PTPRD: variants seen among roughly 807,000 people sequenced by gnomAD.
The protein encoded by PTPRD is receptor-type tyrosine-protein phosphatase delta.
In PTPRD, 34 loss-of-function variants were observed where a neutral mutation model predicts 214.5. That is an observed-to-expected ratio of 0.16 (90% confidence interval 0.12 to 0.21). The LOEUF is 0.21. Among genes scored for constraint, PTPRD ranks in the 10% least tolerant of loss-of-function variants. PTPRD has a pLI of 1.00. For missense variants in PTPRD, 2,545 were observed against 2,398.7 expected, an observed-to-expected ratio of 1.06 and a Z score of -1.27; for synonymous variants, 1,128 against 845.7, an observed-to-expected ratio of 1.33 and a Z score of -5.79.
intron 9 of PTPRD, among the ~76,000 whole-genome samples, chr9:9,255,437 G>C (rs2099977304): frequency 6.6e-6 from 1 of 151,904 alleles, no homozygotes; most frequent in Non-Finnish European, 1.5e-5. Context: ...ATATTTAAAG[G>C]ATTAAGATCT....
At chr9:9,190,263 GT>G (rs1049935671) in intron 9 of PTPRD, among the ~76,000 whole-genome samples, 3 of 152,004 alleles carry the variant, frequency 2.0e-5, no homozygotes, top group African/African-American at 7.2e-5. Context: ...GTTTGACTGT[GT>G]CCCCACCCAA....
chr9:9,401,998 T>A (rs541358837), intron 8 of PTPRD, among the ~76,000 whole-genome samples: 2 of 152,220 alleles, frequency 1.3e-5, no homozygotes, highest in East Asian at 3.9e-4. Flanking sequence ...CAGTTCATTA[T>A]AACAGTGTGA....
intron 8 of PTPRD, among the ~76,000 whole-genome samples, chr9:9,410,735 A>G (rs562706035): frequency 6.6e-6 from 1 of 152,198 alleles, no homozygotes; most frequent in Non-Finnish European, 1.5e-5. Flanking sequence ...ATTTATACAC[A>G]CTTACCCTAG....
At position 8,581,158 on chromosome 9, in the gene PTPRD, G is replaced by C. The variant is rs117207235; in HGVS notation, c.352+52159C>G. On this transcript the variant is annotated intron_variant, in intron 14 of 45. Transcript: ENST00000381196. ...AACAGAGAGTCAAGTTAAAGTAACT[G>C]TAAGTAAGATGCTGTAGATGCCTTA... 5.6e-3 allele frequency among the ~76,000 whole-genome samples: 857 copies of C among 152,074 alleles called. 3 individuals carry two copies. Among genetic ancestry groups the C allele is most frequent in the South Asian group, 0.015 (71 of 4,818 alleles).
intron 2 of PTPRD, among the ~76,000 whole-genome samples, chr9:10,404,369 T>C (rs770022628): frequency 2.4e-4 from 37 of 151,878 alleles, no homozygotes; most frequent in Admixed American, 6.6e-4. Context: ...AAAACTTTCA[T>C]ACTTTGTTCC....
chr9:9,898,253 G>A (rs1181068366), intron 5 of PTPRD, among the ~76,000 whole-genome samples: 1 of 151,946 alleles, frequency 6.6e-6, no homozygotes, highest in East Asian at 1.9e-4. Flanking sequence ...TTCAGTAAAT[G>A]AAAAAAGTAA....
At chr9:9,450,203 T>C (rs536044489) in intron 8 of PTPRD, among the ~76,000 whole-genome samples, 236 of 152,008 alleles carry the variant, frequency 1.6e-3, no homozygotes, top group Non-Finnish European at 3.1e-3. Context: ...ATTTTTGCAA[T>C]TGCTAATTTT....
intron 11 of PTPRD, among the ~76,000 whole-genome samples, chr9:8,871,636 C>T (rs1015640696): frequency 6.6e-6 from 1 of 152,026 alleles, no homozygotes; most frequent in Non-Finnish European, 1.5e-5. Context: ...TGTCATTTAC[C>T]CCTAAAGCTG....
intron 8 of PTPRD, among the ~76,000 whole-genome samples, chr9:9,495,814 T>G (rs899892555): frequency 2.0e-5 from 3 of 152,194 alleles, no homozygotes; most frequent in African/African-American, 7.2e-5. Flanking sequence ...TTGCCCTCAC[T>G]GGCAGAGGGC....
intron 5 of PTPRD, among the ~76,000 whole-genome samples, chr9:9,904,871 A>C (rs2153815664): frequency 6.6e-6 from 1 of 152,190 alleles, no homozygotes; most frequent in African/African-American, 2.4e-5. Flanking sequence ...TGCCTTGGTG[A>C]AATAACGAAG....
intron 10 of PTPRD, among the ~76,000 whole-genome samples, chr9:9,159,367 C>T (rs2099884327): frequency 6.6e-6 from 1 of 152,050 alleles, no homozygotes; most frequent in Non-Finnish European, 1.5e-5. Context: ...ATCATTGTTG[C>T]AGGATATAAA....
rs547021925 is a variant in PTPRD, at chr9:9,502,644, T to C, written c.-237+72088A>G. ...GAAAAGAATCAAGCAAGATTGTTTATAGCAGCTTTATTCATAATAGCCCCA... is the reference window on the plus strand; with the variant it reads ...GAAAAGAATCAAGCAAGATTGTTTACAGCAGCTTTATTCATAATAGCCCCA... On this transcript the variant is annotated intron_variant, in intron 8 of 45. Transcript: ENST00000381196. Among the ~76,000 whole-genome samples, 13 of 152,028 alleles carry C rather than the reference T, an allele frequency of 8.6e-5. No individual in the cohort carries two copies. In the South Asian group the frequency reaches 2.7e-3, roughly 32 times the overall value.
At chr9:9,013,749 T>C (rs959438924) in intron 11 of PTPRD, among the ~76,000 whole-genome samples, 1 of 152,102 alleles carries the variant, frequency 6.6e-6, no homozygotes, top group South Asian at 2.1e-4. Flanking sequence ...GTATAACAGG[T>C]ATGGGGATGT....
At chr9:10,503,056 C>CT (rs1290118232) in intron 2 of PTPRD, among the ~76,000 whole-genome samples, 7 of 151,596 alleles carry the variant, frequency 4.6e-5, no homozygotes, top group Non-Finnish European at 8.8e-5. Flanking sequence ...TGTCAATTTT[C>CT]TTTTTGAACT....
intron 2 of PTPRD, among the ~76,000 whole-genome samples, chr9:10,353,357 C>G (rs892572173): frequency 2.4e-4 from 36 of 151,878 alleles, no homozygotes; most frequent in African/African-American, 8.7e-4. Flanking sequence ...TTTCCTTTTC[C>G]TGGCATTTGA....
intron 3 of PTPRD, among the ~76,000 whole-genome samples, chr9:10,271,925 C>T (rs2094445797): frequency 6.6e-6 from 1 of 152,024 alleles, no homozygotes; most frequent in Admixed American, 6.6e-5. Flanking sequence ...CTCTTCCAGT[C>T]TATTTTCTAA....
chr9:10,197,476 C>G (rs1234277869), intron 3 of PTPRD, among the ~76,000 whole-genome samples: 2 of 152,108 alleles, frequency 1.3e-5, no homozygotes, highest in Admixed American at 6.6e-5. Context: ...GCATTACTCC[C>G]TATATAATTT....
At chr9:10,055,116 C>A (rs1305607948) in intron 3 of PTPRD, among the ~76,000 whole-genome samples, 2 of 152,116 alleles carry the variant, frequency 1.3e-5, no homozygotes, top group African/African-American at 2.4e-5. Flanking sequence ...GGAATTGAAT[C>A]TTCCTAATCT....
At chr9:10,123,466 A>G (rs902598052) in intron 3 of PTPRD, among the ~76,000 whole-genome samples, 4 of 152,206 alleles carry the variant, frequency 2.6e-5, no homozygotes, top group Non-Finnish European at 5.9e-5. Flanking sequence ...CAGGAAAACC[A>G]GTGAAGAAAT....
Sources: gnomAD v4.1 joint callset for allele counts (sites outside exome capture counted in the v4.1 genomes callset) on GRCh38, gnomAD v4.1.1 for gene constraint, MANE v1.5 for transcripts, NCBI Gene and HGNC (gene_info 2026-07-23, HGNC 2026-07-21) for gene names.